Variants in SAAL1 observed in about 807,000 individuals in gnomAD.
SAAL1 encodes the protein serum amyloid A like 1.
In SAAL1, 42 loss-of-function variants were observed where a neutral mutation model predicts 59.8. That is an observed-to-expected ratio of 0.70 (90% CI 0.55 to 0.91). The LOEUF (loss-of-function observed/expected upper bound fraction) is 0.91, where lower values mean the gene tolerates loss of function less well. Ranked by LOEUF, SAAL1 falls within the 40% of genes least tolerant of loss-of-function variation. The pLI is 0.00. For synonymous variants in SAAL1, 191 were observed against 194.3 expected (o/e 0.98, Z 0.14); for missense variants, 542 against 561.1 (o/e 0.97, Z 0.34).
intron 11 of SAAL1, 115 bp from the exon 12 acceptor site, chr11:18,080,606 G>A: frequency 1.6e-6 from 1 of 609,534 alleles, no homozygotes; most frequent in Non-Finnish European, 2.8e-6. Flanking sequence ...AATGCTGGCA[G>A]ATCTCCAGAT....
Position 18,080,466 on chromosome 11 carries a change from C to G in SAAL1, c.1358G>C (p.Arg453Pro). The G allele has an allele frequency of 6.3e-7, 1 of 1,583,786 alleles. No homozygotes were observed. Among genetic ancestry groups the G allele is most frequent in the Non-Finnish European group, 8.5e-7 (1 of 1,172,284 alleles). Reference sequence around the variant, plus strand: ...ATCAGCAAGCGCCTTATCAACTTCACGTAGGATTTTAATAAAATCTTCCAC... The same window carrying G: ...ATCAGCAAGCGCCTTATCAACTTCAGGTAGGATTTTAATAAAATCTTCCAC... ...PVVEDFIKIL[R>P]EVDKALADDL... Residue 453 changes from arginine (R) to proline (P), a missense_variant, in exon 12 of 12, where the codon CGT (arginine) becomes CCT (proline). Arg to Pro is a moderately radical substitution (Grantham distance 103). Transcript: ENST00000524803.
intron 1 of SAAL1, 106 bp downstream of exon 1, chr11:18,105,801 G>T: frequency 2.2e-6 from 3 of 1,374,630 alleles, no homozygotes; most frequent in Non-Finnish European, 2.9e-6. Flanking sequence ...CTGGGGAGGG[G>T]TCTTTGTGGG....
intron 3 of SAAL1, among the ~76,000 whole-genome samples, chr11:18,094,854 G>A (rs1045306048): frequency 9.3e-4 from 141 of 152,240 alleles, no homozygotes; most frequent in African/African-American, 3.2e-3. Context: ...ACTAAAGAGG[G>A]AATAACTGAA....
intron 3 of SAAL1, among the ~76,000 whole-genome samples, chr11:18,096,568 A>G (rs1848578692): frequency 6.6e-6 from 1 of 152,094 alleles, no homozygotes. Context: ...CTGGAGACAT[A>G]GTGAGACCCT....
chr11:18,085,763 AAAT>A (rs1848457353), intron 9 of SAAL1, among the ~76,000 whole-genome samples: 1 of 152,244 alleles, frequency 6.6e-6, no homozygotes, highest in African/African-American at 2.4e-5. Context: ...GGAATTTTAA[AAAT>A]AATGATGAAA....
chr11:18,089,565 G>A, intron 6 of SAAL1, 55 bp from the exon 7 acceptor site: 1 of 1,504,054 alleles, frequency 6.6e-7, no homozygotes, highest in Non-Finnish European at 9.0e-7. Context: ...AAAGCAATAG[G>A]GTTAAGCAAA....
At chr11:18,081,055 G>A (rs1848404707) in intron 11 of SAAL1, among the ~76,000 whole-genome samples, 1 of 152,052 alleles carries the variant, frequency 6.6e-6, no homozygotes, top group Non-Finnish European at 1.5e-5. Flanking sequence ...TATATTACAT[G>A]ATGCCGAGGT....
intron 2 of SAAL1, among the ~76,000 whole-genome samples, chr11:18,100,316 C>G (rs942522504): frequency 2.0e-5 from 3 of 152,196 alleles, no homozygotes; most frequent in African/African-American, 7.2e-5. Context: ...TAAAACAAAT[C>G]TCAACACATT....
intron 2 of SAAL1, among the ~76,000 whole-genome samples, chr11:18,099,916 G>A (rs912958714): frequency 3.9e-5 from 6 of 152,252 alleles, no homozygotes; most frequent in Non-Finnish European, 7.4e-5. Context: ...CAGACTTTGC[G>A]CCAGGGACCT....
At position 18,088,152 on chromosome 11, in the gene SAAL1, C is replaced by A. The variant is rs540634515; in HGVS notation, c.771-927G>T. Among the ~76,000 whole-genome samples the A allele has an allele frequency of 2.0e-5, 3 of 152,336 alleles. No individual in the cohort carries two copies. The South Asian group carries it at 6.2e-4, about 32-fold the overall frequency. On this transcript the variant is annotated intron_variant, in intron 7 of 11. Transcript: ENST00000524803. ...AAGAAGTGACGCAAACTTCACATGA[C>A]TGAAACGCAGAGTACAAGGAATAAG...
chr11:18,081,387 C>A (rs757986721), intron 11 of SAAL1, 24 bp downstream of exon 11: 1 of 1,552,746 alleles, frequency 6.4e-7, no homozygotes, highest in Admixed American at 1.7e-5. Context: ...ACTTGGCCAC[C>A]TATATACATT....
At chr11:18,105,148 T>G (rs113028906) in intron 1 of SAAL1, among the ~76,000 whole-genome samples, 11 of 152,172 alleles carry the variant, frequency 7.2e-5, no homozygotes, top group African/African-American at 2.6e-4. Context: ...TTAGGTGACC[T>G]GCAGCTAGTG....
chr11:18,103,596 G>A (rs1030576006), intron 1 of SAAL1, among the ~76,000 whole-genome samples: 1 of 152,138 alleles, frequency 6.6e-6, no homozygotes, highest in Non-Finnish European at 1.5e-5. Context: ...GTATCTAAAT[G>A]GTCCCAATCT....
intron 2 of SAAL1, among the ~76,000 whole-genome samples, chr11:18,101,380 G>A (rs551298463): frequency 8.5e-5 from 13 of 152,224 alleles, no homozygotes; most frequent in Non-Finnish European, 1.6e-4. Flanking sequence ...AGTGAATCAC[G>A]GGGGTGGTTT....
rs759922321 is a variant in SAAL1, at chr11:18,081,516, C to T, written c.1240-13G>A. 1 of 1,611,744 alleles carries T rather than the reference C, an allele frequency of 6.2e-7. No homozygotes were observed. The highest frequency in any genetic ancestry group is 8.5e-7 in the Non-Finnish European group (1 of 1,178,104). On this transcript the variant is annotated splice_polypyrimidine_tract_variant and intron_variant, in intron 10 of 11. Transcript: ENST00000524803. ...GAGCCACCGTCTCCTAAAACAACAA[C>T]AAGATTTAATGTCAAAAAAGGAAAA...
chr11:18,089,599 A>T, intron 6 of SAAL1, 89 bp from the exon 7 acceptor site: 1 of 1,212,874 alleles, frequency 8.2e-7, no homozygotes, highest in Non-Finnish European at 1.1e-6. Context: ...TTCTAAGAAA[A>T]CCAAATCTTG....
chr11:18,103,034 G>A (rs1040378458), intron 2 of SAAL1, among the ~76,000 whole-genome samples, 199 bp downstream of exon 2: 2 of 152,134 alleles, frequency 1.3e-5, no homozygotes, highest in African/African-American at 4.8e-5. Flanking sequence ...AATCTGTTGA[G>A]AGCTCAAATC....
chr11:18,105,920 C>T lies in SAAL1; in HGVS notation c.122G>A (p.Ser41Asn). Residue 41 changes from serine (S) to asparagine (N), a missense_variant, in exon 1 of 12, where the codon AGC (serine) becomes AAC (asparagine). Physicochemically the swap from Ser to Asn is conservative, Grantham distance 46. Coordinates refer to ENST00000524803, the MANE Select transcript of SAAL1 (RefSeq NM_138421.3). The part of the protein sequence containing the change: ...YSKHWLFGVL[S>N]GLIQIVSPEN... ...GAGTTTCCACACCTGGATGAGTCCGCTGAGGACGCCGAAGAGCCAGTGTTT... is the reference window on the plus strand; with the variant it reads ...GAGTTTCCACACCTGGATGAGTCCGTTGAGGACGCCGAAGAGCCAGTGTTT... 6.2e-7 allele frequency: 1 copy of T among 1,603,016 alleles called. No homozygotes were observed. Among genetic ancestry groups the T allele is most frequent in the Non-Finnish European group, 8.5e-7 (1 of 1,175,412 alleles).
At chr11:18,087,087 A>C (rs752295351) in intron 8 of SAAL1, 33 bp from the exon 9 acceptor site, 1 of 1,601,742 alleles carries the variant, frequency 6.2e-7, no homozygotes, top group South Asian at 1.1e-5. Flanking sequence ...GCAGTACTTT[A>C]AAATCAGCAA....
Sources: allele counts gnomAD v4.1 joint callset (sites outside exome capture counted in the v4.1 genomes callset), GRCh38; gene constraint gnomAD v4.1.1; transcripts MANE v1.5; gene names NCBI Gene and HGNC (gene_info 2026-07-23, HGNC 2026-07-21).